The following PCDH9 variants were observed in gnomAD, a reference collection of about 807,000 sequenced individuals.
The protein encoded by PCDH9 is protocadherin-9.
A neutral mutation model predicts 70.6 loss-of-function variants in PCDH9; 24 were observed. The ratio of observed to expected loss-of-function variants is 0.34; its 90% confidence interval spans 0.25 to 0.48. The LOEUF (loss-of-function observed/expected upper bound fraction) is 0.48, where lower values mean the gene tolerates loss of function less well. Among genes scored for constraint, PCDH9 ranks in the 20% least tolerant of loss-of-function variants. PCDH9 has a pLI of 0.99. For missense variants in PCDH9, 1,281 were observed against 1,503.6 expected (o/e 0.85, Z 2.45); for synonymous variants, 562 against 558.5 (o/e 1.01, Z -0.09).
In PCDH9 at chr13:67,190,286, G is replaced by A. The variant is rs184928548; in HGVS notation, c.3036+35119C>T. 3.9e-5 allele frequency among the ~76,000 whole-genome samples: 6 copies of A among 151,930 alleles called. No individual in the cohort carries two copies. The East Asian group carries it at 5.8e-4, about 15-fold the overall frequency. The stretch of plus-strand genomic sequence containing the variant: ...CTAATGGCATCAAAACATTAGAGAC[G>A]CAGAAAACAGGACAGGTAAAAACAC... On this transcript the variant is annotated intron_variant, in intron 2 of 4. Coordinates refer to ENST00000377865, the MANE Select transcript of PCDH9 (RefSeq NM_203487.3).
chr13:67,062,003 T>C (rs2085548346), intron 2 of PCDH9, among the ~76,000 whole-genome samples: 1 of 152,162 alleles, frequency 6.6e-6, no homozygotes, highest in South Asian at 2.1e-4. Flanking sequence ...TCATTACTCC[T>C]GAATTTTGAG....
chr13:66,512,519 C>T (rs1959529443), intron 4 of PCDH9, among the ~76,000 whole-genome samples: 1 of 152,012 alleles, frequency 6.6e-6, no homozygotes, highest in South Asian at 2.1e-4. Context: ...TTCTGGCTTT[C>T]TGTAGTCCTG....
At chr13:66,764,308 T>G (rs2079676313) in intron 3 of PCDH9, among the ~76,000 whole-genome samples, 2 of 151,756 alleles carry the variant, frequency 1.3e-5, no homozygotes, top group African/African-American at 4.8e-5. Context: ...TAGAGAAAAT[T>G]TTCTTTGAGT....
At chr13:66,454,962 A>C (rs1282542149) in intron 4 of PCDH9, among the ~76,000 whole-genome samples, 1 of 152,172 alleles carries the variant, frequency 6.6e-6, no homozygotes, top group Non-Finnish European at 1.5e-5. Context: ...AAAAACAATA[A>C]GAATAACTTT....
At chr13:66,655,683 C>A (rs2077918806) in intron 3 of PCDH9, among the ~76,000 whole-genome samples, 1 of 152,056 alleles carries the variant, frequency 6.6e-6, no homozygotes. Context: ...CAAGTTATTT[C>A]TTAAGCATTT....
In PCDH9 at chr13:66,491,162, A is replaced by G. The variant is rs117119253; in HGVS notation, c.3340+140048T>C. The stretch of plus-strand genomic sequence containing the variant: ...CACTTCTTTTGCCTCCCCTCTTTAA[A>G]TGAAAGCACACTTGGATAGGATTCA... On this transcript the variant is annotated intron_variant, in intron 4 of 4. Coordinates refer to ENST00000377865, the MANE Select transcript of PCDH9 (RefSeq NM_203487.3). Among the ~76,000 whole-genome samples the G allele has an allele frequency of 8.0e-3, 1,220 of 152,256 alleles. 7 individuals are homozygous for G. Among genetic ancestry groups the G allele is most frequent in the Middle Eastern group, 0.027 (8 of 294 alleles).
chr13:67,196,681 T>C (rs897023202), intron 2 of PCDH9, among the ~76,000 whole-genome samples: 3 of 152,160 alleles, frequency 2.0e-5, no homozygotes, highest in Admixed American at 1.3e-4. Flanking sequence ...TGTGTAAATG[T>C]TTCATTCGTT....
At position 66,611,635 on chromosome 13, in the gene PCDH9, T is replaced by C. The variant is rs534362700; in HGVS notation, c.3340+19575A>G. On this transcript the variant is annotated intron_variant, in intron 4 of 4. Transcript: ENST00000377865. ...AATGCAGTTAAGATTAGCTTGATGA[T>C]TCAAGATACACTAAAGGAATACTTA... 1.1e-4 allele frequency among the ~76,000 whole-genome samples: 17 copies of C among 152,308 alleles called. No individual in the cohort carries two copies. The East Asian group carries it at 3.3e-3, about 29-fold the overall frequency.
chr13:67,182,266 A>G (rs2088637121), intron 2 of PCDH9, among the ~76,000 whole-genome samples: 4 of 152,202 alleles, frequency 2.6e-5, no homozygotes, highest in Middle Eastern at 3.2e-3. Flanking sequence ...AATATGTTCC[A>G]GACCTAAATT....
At chr13:67,041,113 A>G (rs1248385623) in intron 2 of PCDH9, among the ~76,000 whole-genome samples, 1 of 152,156 alleles carries the variant, frequency 6.6e-6, no homozygotes, top group Non-Finnish European at 1.5e-5. Context: ...GAATGTTGTT[A>G]AAAGGTTCTT....
intron 4 of PCDH9, among the ~76,000 whole-genome samples, chr13:66,339,240 A>AC (rs1206227259): frequency 6.6e-6 from 1 of 152,048 alleles, no homozygotes; most frequent in Non-Finnish European, 1.5e-5. Flanking sequence ...AACAACAACA[A>AC]AAAAACAGTA....
chr13:67,011,938 C>G (rs1053876286), intron 2 of PCDH9, among the ~76,000 whole-genome samples: 1 of 151,874 alleles, frequency 6.6e-6, no homozygotes, highest in East Asian at 1.9e-4. Context: ...CAGCACTCTT[C>G]TTTATAGCTT....
rs1202340558 is a variant in PCDH9, at chr13:67,100,269, CAATA to C, written c.3036+125132_3036+125135del. Among the ~76,000 whole-genome samples the C allele has an allele frequency of 5.9e-5, 9 of 151,982 alleles. No homozygotes were observed. The South Asian group carries it at 1.2e-3, about 21-fold the overall frequency. On this transcript the variant is annotated intron_variant, in intron 2 of 4. Transcript: ENST00000377865. ...TAAGAAATAATAGTAAACATAATGA[CAATA>C]AAAATAATAAAGAGGTAATTTACTG...
chr13:66,564,091 A>G (rs2076616253), intron 4 of PCDH9, among the ~76,000 whole-genome samples: 1 of 152,168 alleles, frequency 6.6e-6, no homozygotes, highest in Non-Finnish European at 1.5e-5. Context: ...AAACCAGGGG[A>G]ATACAACAGT....
intron 3 of PCDH9, among the ~76,000 whole-genome samples, chr13:66,705,875 G>T (rs1249121775): frequency 1.3e-5 from 2 of 152,048 alleles, no homozygotes; most frequent in Non-Finnish European, 2.9e-5. Flanking sequence ...ATATTCAATT[G>T]CTCATTACTG....
At chr13:66,541,292 A>G (rs1333984285) in intron 4 of PCDH9, among the ~76,000 whole-genome samples, 2 of 152,144 alleles carry the variant, frequency 1.3e-5, no homozygotes, top group Non-Finnish European at 2.9e-5. Flanking sequence ...TTCTAAAATA[A>G]TGTAAGGTAG....
intron 2 of PCDH9, among the ~76,000 whole-genome samples, chr13:66,941,206 A>G (rs900340849): frequency 5.9e-5 from 9 of 151,968 alleles, no homozygotes; most frequent in African/African-American, 2.2e-4. Context: ...GATAGAATGT[A>G]GTAAGTTACA....
At chr13:67,154,562 G>T in intron 2 of PCDH9, among the ~76,000 whole-genome samples, 1 of 114,846 alleles carries the variant, frequency 8.7e-6, no homozygotes, top group Non-Finnish European at 1.7e-5. Flanking sequence ...GGAAACAGAC[G>T]GAGACCCTGT....
At chr13:66,698,261 C>T (rs1042928732) in intron 3 of PCDH9, among the ~76,000 whole-genome samples, 7 of 152,042 alleles carry the variant, frequency 4.6e-5, no homozygotes, top group African/African-American at 9.7e-5. Context: ...TTGAAAATGG[C>T]TAAAATAGTA....
Sources: gnomAD v4.1 joint callset for allele counts (sites outside exome capture counted in the v4.1 genomes callset) on GRCh38, gnomAD v4.1.1 for gene constraint, MANE v1.5 for transcripts, NCBI Gene and HGNC (gene_info 2026-07-23, HGNC 2026-07-21) for gene names.